NRIP1: variants seen among roughly 807,000 people sequenced by gnomAD.
NRIP1 encodes nuclear receptor-interacting protein 1.
A neutral mutation model predicts 75.0 loss-of-function variants in NRIP1; 28 were observed. That is an observed-to-expected ratio of 0.37 (90% CI 0.28 to 0.51). The LOEUF is 0.51. NRIP1 is among the 20% of genes least tolerant of loss of function. NRIP1 has a pLI of 0.92. For missense variants in NRIP1, 1,435 were observed against 1,343.7 expected (o/e 1.07, Z -1.06); for synonymous variants, 526 against 487.6 (o/e 1.08, Z -1.04).
intron 3 of NRIP1, among the ~76,000 whole-genome samples, chr21:14,984,573 T>C (rs1001497641): frequency 6.6e-6 from 1 of 152,116 alleles, no homozygotes; most frequent in Non-Finnish European, 1.5e-5. Context: ...ATTTAGAATA[T>C]TCTGTAAATA....
intron 3 of NRIP1, among the ~76,000 whole-genome samples, chr21:14,985,985 A>G (rs1178299661): frequency 6.6e-6 from 1 of 152,214 alleles, no homozygotes; most frequent in Non-Finnish European, 1.5e-5. Flanking sequence ...GTAAGCCTTT[A>G]TGCAAGAAAG....
intron 3 of NRIP1, among the ~76,000 whole-genome samples, chr21:15,014,067 G>A (rs2088170312): frequency 6.6e-6 from 1 of 152,248 alleles, no homozygotes; most frequent in Middle Eastern, 3.4e-3. Flanking sequence ...GAATTCTCAA[G>A]AATATTTTTC....
At chr21:14,983,212 C>CA (rs59990071) in intron 3 of NRIP1, among the ~76,000 whole-genome samples, 5,590 of 125,242 alleles carry the variant, frequency 0.045, 344 homozygotes, top group East Asian at 0.31. Flanking sequence ...ATTGCAAATA[C>CA]AAAAAAAAAA....
chr21:15,020,054 C>T (rs2088334657), intron 2 of NRIP1, among the ~76,000 whole-genome samples: 1 of 151,752 alleles, frequency 6.6e-6, no homozygotes, highest in South Asian at 2.1e-4. Flanking sequence ...GACGTCAATT[C>T]TCCCTACACT....
intron 2 of NRIP1, among the ~76,000 whole-genome samples, chr21:15,032,842 G>A (rs2088738876): frequency 6.6e-6 from 1 of 152,194 alleles, no homozygotes; most frequent in African/African-American, 2.4e-5. Flanking sequence ...AGATGTGTGT[G>A]ATGTAAAAAT....
At chr21:15,006,722 G>C (rs1042537449) in intron 3 of NRIP1, among the ~76,000 whole-genome samples, 11 of 152,152 alleles carry the variant, frequency 7.2e-5, no homozygotes, top group Non-Finnish European at 1.3e-4. Flanking sequence ...TTGGATTCAG[G>C]TATGTTTTCC....
intron 3 of NRIP1, among the ~76,000 whole-genome samples, chr21:14,970,759 A>C (rs1399676693): frequency 6.6e-6 from 1 of 152,196 alleles, no homozygotes; most frequent in East Asian, 1.9e-4. Context: ...TACTTTATTT[A>C]AGAATAAGAA....
rs978595002 is a variant in NRIP1 at position 15,010,144 on chromosome 21, G to A, written c.-335+4200C>T. 7.2e-5 allele frequency among the ~76,000 whole-genome samples: 11 copies of A among 152,286 alleles called. 1 individual carries two copies. Among genetic ancestry groups the A allele is most frequent in the Middle Eastern group, 3.4e-3 (1 of 294 alleles). On this transcript the variant is annotated intron_variant, in intron 3 of 3. Coordinates refer to ENST00000318948, the MANE Select transcript of NRIP1 (RefSeq NM_003489.4). ...TCTAATCCAGAATGAAGAAATTCTAGTTATCTAAATAAAATGCATAAGCTC... is the reference window on the plus strand; with the variant it reads ...TCTAATCCAGAATGAAGAAATTCTAATTATCTAAATAAAATGCATAAGCTC...
At chr21:15,023,809 T>A (rs2088438583) in intron 2 of NRIP1, among the ~76,000 whole-genome samples, 1 of 152,212 alleles carries the variant, frequency 6.6e-6, no homozygotes, top group South Asian at 2.1e-4. Flanking sequence ...ATCATAAAGT[T>A]CTAATAATTA....
At chr21:15,030,194 C>T (rs2088611819) in intron 2 of NRIP1, among the ~76,000 whole-genome samples, 1 of 152,210 alleles carries the variant, frequency 6.6e-6, no homozygotes, top group Non-Finnish European at 1.5e-5. Flanking sequence ...GAGTAGAAAA[C>T]AGAAAATACC....
chr21:15,059,935 A>C (rs1029156968), intron 1 of NRIP1, among the ~76,000 whole-genome samples: 1 of 152,178 alleles, frequency 6.6e-6, no homozygotes, highest in Non-Finnish European at 1.5e-5. Flanking sequence ...TAATGATAAA[A>C]TGTATCACAT....
intron 2 of NRIP1, among the ~76,000 whole-genome samples, chr21:15,037,472 C>G (rs1337976835): frequency 1.3e-5 from 2 of 152,118 alleles, no homozygotes; most frequent in Non-Finnish European, 2.9e-5. Flanking sequence ...ATAAAAGATA[C>G]AACCCCCTCC....
Position 14,964,197 on chromosome 21 carries a change from G to A in NRIP1, c.*519C>T, listed in dbSNP as rs2086660746. 6.6e-6 allele frequency: 1 copy of A among 151,846 alleles called. No individual in the cohort carries two copies. The allele number at this position is 151,846 out of a possible 1,614,324, so 9.4% of individuals were successfully genotyped here. A position where few individuals can be genotyped will look rare whatever the true frequency, so the allele number is the denominator to read the frequency against. The stretch of plus-strand genomic sequence containing the variant: ...CCTTTTTTTTTTCTTTTTAGCAAAA[G>A]TGAAAAATGTAAGCATATATTTTTC... On this transcript the variant is annotated 3_prime_UTR_variant, in exon 4 of 4. Transcript: ENST00000318948.
intron 3 of NRIP1, among the ~76,000 whole-genome samples, chr21:15,007,108 G>A (rs554389683): frequency 6.6e-6 from 1 of 152,306 alleles, no homozygotes; most frequent in Admixed American, 6.5e-5. Flanking sequence ...AAATGCAACT[G>A]GGACCAAGGA....
At chr21:14,979,392 T>G (rs1267919399) in intron 3 of NRIP1, among the ~76,000 whole-genome samples, 2 of 152,164 alleles carry the variant, frequency 1.3e-5, no homozygotes, top group African/African-American at 2.4e-5. Context: ...TAAACTCAAC[T>G]ATGGTTTCCC....
intron 1 of NRIP1, among the ~76,000 whole-genome samples, chr21:15,043,973 C>G (rs2089015370): frequency 6.6e-6 from 1 of 152,110 alleles, no homozygotes; most frequent in Non-Finnish European, 1.5e-5. Flanking sequence ...TGCCCAGCAC[C>G]ACGCCCGGCT....
At chr21:15,020,588 G>C (rs1007413512) in intron 2 of NRIP1, among the ~76,000 whole-genome samples, 8 of 152,064 alleles carry the variant, frequency 5.3e-5, no homozygotes, top group African/African-American at 1.9e-4. Context: ...ATTAAAAATG[G>C]AATGTCATCA....
At chr21:15,021,270 A>G (rs1001584161) in intron 2 of NRIP1, among the ~76,000 whole-genome samples, 1 of 152,236 alleles carries the variant, frequency 6.6e-6, no homozygotes, top group African/African-American at 2.4e-5. Context: ...ATGCTTAGTG[A>G]AAGAAGCTAA....
At chr21:15,004,302 G>A (rs1295528457) in intron 3 of NRIP1, among the ~76,000 whole-genome samples, 2 of 152,190 alleles carry the variant, frequency 1.3e-5, no homozygotes, top group African/African-American at 4.8e-5. Context: ...TATAAATTCT[G>A]AGAAAACTGC....
Sources: gnomAD v4.1 joint callset for allele counts (sites outside exome capture counted in the v4.1 genomes callset) on GRCh38, gnomAD v4.1.1 for gene constraint, MANE v1.5 for transcripts, NCBI Gene and HGNC (gene_info 2026-07-23, HGNC 2026-07-21) for gene names.